MAOB: variants seen among roughly 807,000 people sequenced by gnomAD.
MAOB encodes the protein monoamine oxidase B, also known as amine oxidase [flavin-containing] B.
MAOB carries 15 observed loss-of-function variants against 41.9 expected under a neutral mutation model. The observed-to-expected ratio is 0.36, with a 90% confidence interval of 0.24 to 0.55. MAOB has a LOEUF of 0.55. MAOB is among the 20% of genes least tolerant of loss of function. The pLI, the probability that MAOB is intolerant of heterozygous loss-of-function variation, is 0.86. For synonymous variants in MAOB, 167 were observed against 144.2 expected (o/e 1.16, Z -1.13); for missense variants, 345 against 398.7 (o/e 0.87, Z 1.15).
chrX:43,792,217 T>G (rs746762541), intron 8 of MAOB, among the ~76,000 whole-genome samples: 1 of 112,482 alleles, frequency 8.9e-6, no homozygotes, highest in African/African-American at 3.2e-5. Context: ...ATATTTTATT[T>G]GAAAGAACTG....
chrX:43,865,341 A>G (rs1226894501), intron 1 of MAOB, among the ~76,000 whole-genome samples: 1 of 112,393 alleles, frequency 8.9e-6, no homozygotes, highest in Non-Finnish European at 1.9e-5. Context: ...TAAAATGTTC[A>G]TAATTGGCAA....
In MAOB at chrX:43,769,324, C is replaced by T; in HGVS notation, c.1330G>A (p.Glu444Lys). 1.7e-6 allele frequency: 2 copies of T among 1,208,966 alleles called. No homozygotes were observed. The highest frequency in any genetic ancestry group is 2.2e-6 in the Non-Finnish European group (2 of 894,531). The part of the protein sequence containing the change: ...GYMEGAVEAG[E>K]RAAREILHAM... The stretch of plus-strand genomic sequence containing the variant: ...GACCCTACCTCTCGGGCTGCTCTCT[C>T]CCCGGCCTCTACAGCCCCCTCCATG... The change falls in exon 13 of 15, where the codon GAG becomes AAG. Residue 444 changes from glutamate (E) to lysine (K), a missense_variant. Coordinates refer to ENST00000378069, the MANE Select transcript of MAOB (RefSeq NM_000898.5).
intron 1 of MAOB, among the ~76,000 whole-genome samples, chrX:43,870,143 T>C (rs2035391455): frequency 8.9e-6 from 1 of 112,569 alleles, no homozygotes; most frequent in Non-Finnish European, 1.9e-5. Flanking sequence ...GAATCTGAGC[T>C]GGATCCAAAA....
chrX:43,863,524 G>T (rs2035347024), intron 1 of MAOB, among the ~76,000 whole-genome samples: 1 of 111,504 alleles, frequency 9.0e-6, no homozygotes, highest in Admixed American at 9.5e-5. Flanking sequence ...GTTAAGAGTG[G>T]TTGTCTTTAA....
intron 10 of MAOB, 48 bp downstream of exon 10, chrX:43,780,294 G>T (rs191549232): frequency 1.1e-4 from 117 of 1,024,047 alleles, no homozygotes; most frequent in Non-Finnish European, 1.5e-4. Flanking sequence ...GGATGGAGTG[G>T]GGGGGAAAGG....
chrX:43,771,694 C>T (rs2034187196), intron 12 of MAOB, among the ~76,000 whole-genome samples: 1 of 110,712 alleles, frequency 9.0e-6, no homozygotes, highest in Non-Finnish European at 1.9e-5. Context: ...TGGCTAGACC[C>T]TAAGAATGAA....
chrX:43,818,115 C>A (rs2034840744), intron 3 of MAOB, among the ~76,000 whole-genome samples: 1 of 112,282 alleles, frequency 8.9e-6, no homozygotes, highest in South Asian at 3.7e-4. Flanking sequence ...TAAACAAAGT[C>A]ATACAATATC....
At chrX:43,812,709 G>T (rs1321733974) in intron 3 of MAOB, among the ~76,000 whole-genome samples, 1 of 112,319 alleles carries the variant, frequency 8.9e-6, no homozygotes, top group East Asian at 2.8e-4. Flanking sequence ...AGAATTGCTT[G>T]CTAACATTTC....
At chrX:43,786,747 G>A (rs1309541281) in intron 8 of MAOB, among the ~76,000 whole-genome samples, 1 of 111,643 alleles carries the variant, frequency 9.0e-6, no homozygotes, top group Admixed American at 9.6e-5. Flanking sequence ...GCTGGCCAAG[G>A]TGGAAGTACT....
intron 1 of MAOB, among the ~76,000 whole-genome samples, chrX:43,851,693 G>A (rs2035253424): frequency 9.0e-6 from 1 of 111,595 alleles, no homozygotes; most frequent in African/African-American, 3.3e-5. Context: ...GTTATGAAGA[G>A]GGTTAGAAGT....
Position 43,793,809 on chromosome X carries a change from A to G in MAOB, c.769-231T>C, listed in dbSNP as rs769549531. On this transcript the variant is annotated intron_variant, in intron 7 of 14. Transcript: ENST00000378069. The stretch of plus-strand genomic sequence containing the variant: ...CTCACCATCATCGCCAAGGCCACAC[A>G]TGAAATGGGCCCGTTACATCACTGA... Among the ~76,000 whole-genome samples the G allele has an allele frequency of 4.5e-5, 5 of 111,615 alleles. No homozygotes were observed. The East Asian group carries it at 1.4e-3, about 32-fold the overall frequency.
At chrX:43,845,894 T>C (rs2035197097) in intron 1 of MAOB, among the ~76,000 whole-genome samples, 1 of 111,834 alleles carries the variant, frequency 8.9e-6, no homozygotes, top group South Asian at 3.7e-4. Context: ...ATTATTTGAG[T>C]TAATCCATCT....
At chrX:43,834,739 C>T (rs1050563211) in intron 3 of MAOB, among the ~76,000 whole-genome samples, 34 of 112,239 alleles carry the variant, frequency 3.0e-4, no homozygotes, top group African/African-American at 1.1e-3. Context: ...GAGATGAATC[C>T]TCATTCGCAT....
Position 43,768,689 on chromosome X carries a change from C to T in MAOB, c.1375G>A (p.Glu459Lys), listed in dbSNP as rs769996765. The T allele has an allele frequency of 4.1e-6, 5 of 1,208,054 alleles. No homozygotes were observed. The South Asian group carries it at 8.8e-5, about 21-fold the overall frequency. Residue 459 changes from glutamate (E) to lysine (K), a missense_variant, in exon 14 of 15, where the codon GAG (glutamate) becomes AAG (lysine). By Grantham distance (56) the Glu-to-Lys change is moderately conservative. Transcript: ENST00000378069. Reference protein sequence around the residue: ...EILHAMGKIPEDEIWQSEPES... With the variant: ...EILHAMGKIPKDEIWQSEPES... Reference sequence around the variant, plus strand: ...GGTTCTGACTGCCAGATTTCATCCTCTGGAATCTTCCCCATGGCATGCAGG... The same window carrying T: ...GGTTCTGACTGCCAGATTTCATCCTTTGGAATCTTCCCCATGGCATGCAGG...
At chrX:43,808,317 A>C (rs2034694251) in intron 3 of MAOB, among the ~76,000 whole-genome samples, 2 of 111,911 alleles carry the variant, frequency 1.8e-5, no homozygotes, top group Non-Finnish European at 3.8e-5. Context: ...CAAACAATTA[A>C]ATTATTTAGG....
chrX:43,787,933 CAA>C (rs1370621632), intron 8 of MAOB, among the ~76,000 whole-genome samples: 1 of 111,829 alleles, frequency 8.9e-6, no homozygotes, highest in East Asian at 2.8e-4. Context: ...ACCTGATTGA[CAA>C]AAAAATTTTA....
chrX:43,882,421 T>C lies in MAOB; in HGVS notation c.-122A>G. On this transcript the variant is annotated 5_prime_UTR_variant, in exon 1 of 15. Transcript: ENST00000378069. ...GCCGGCCTGCTGCGCGCTGCCCCCG[T>C]GCACCAGCGCCTCGGCGAGCCGCTA... The C allele has an allele frequency of 9.6e-7, 1 of 1,042,894 alleles. No homozygotes were observed. The highest frequency in any genetic ancestry group is 1.2e-6 in the Non-Finnish European group (1 of 815,289). 85.9% of individuals were successfully genotyped at this position (1,042,894 alleles called of 1,213,427 possible).
chrX:43,774,062 T>C (rs1217787284), intron 12 of MAOB, among the ~76,000 whole-genome samples: 1 of 111,996 alleles, frequency 8.9e-6, no homozygotes, highest in Non-Finnish European at 1.9e-5. Context: ...TTATTACGTA[T>C]CTTCTGATAA....
At chrX:43,861,979 G>C (rs1279551964) in intron 1 of MAOB, among the ~76,000 whole-genome samples, 1 of 110,195 alleles carries the variant, frequency 9.1e-6, no homozygotes, top group Non-Finnish European at 1.9e-5. Flanking sequence ...AAGTTGAAAG[G>C]TAAAGCCTCC....
Sources: gnomAD v4.1 joint callset for allele counts (sites outside exome capture counted in the v4.1 genomes callset) on GRCh38, gnomAD v4.1.1 for gene constraint, MANE v1.5 for transcripts, NCBI Gene and HGNC (gene_info 2026-07-23, HGNC 2026-07-21) for gene names.